PLXNA4: variants seen among roughly 807,000 people sequenced by gnomAD.
PLXNA4 encodes plexin A4, also known as plexin-A4.
In PLXNA4, 44 loss-of-function variants were observed where a neutral mutation model predicts 191.8. The observed-to-expected ratio is 0.23, with a 90% CI of 0.18 to 0.29. The LOEUF (loss-of-function observed/expected upper bound fraction) is 0.29. Ranked by LOEUF, PLXNA4 falls within the 10% of genes least tolerant of loss-of-function variation. The pLI, the probability that PLXNA4 is intolerant of heterozygous loss-of-function variation, is 1.00. For missense variants in PLXNA4, 1,800 were observed against 2,488.8 expected, an observed-to-expected ratio of 0.72 and a Z score of 5.89; for synonymous variants, 1,082 against 1,009.5, an observed-to-expected ratio of 1.07 and a Z score of -1.36.
intron 3 of PLXNA4, among the ~76,000 whole-genome samples, chr7:132,487,335 C>T (rs140352058): frequency 2.0e-5 from 3 of 152,200 alleles, no homozygotes; most frequent in East Asian, 1.9e-4. Flanking sequence ...TTGAGCTCAC[C>T]GGAGAAAAGA....
rs1438850778 is a variant in PLXNA4 at position 132,624,603 on chromosome 7, G to T, written c.-87+21325C>A. Reference sequence around the variant, plus strand: ...TTCATATGAAAAGTCACATCTGGGGGCTACTCAATCTTGGAAAGGGAAGCA... The same window carrying T: ...TTCATATGAAAAGTCACATCTGGGGTCTACTCAATCTTGGAAAGGGAAGCA... On this transcript the variant is annotated intron_variant, in intron 2 of 4. Transcript: ENST00000378539. Among the ~76,000 whole-genome samples the T allele has an allele frequency of 2.0e-5, 3 of 152,124 alleles. No homozygotes were observed. In the East Asian group the frequency reaches 5.8e-4, roughly 29 times the overall value.
At chr7:132,258,105 C>G in intron 4 of PLXNA4, among the ~76,000 whole-genome samples, 1 of 152,250 alleles carries the variant, frequency 6.6e-6, no homozygotes, top group Non-Finnish European at 1.5e-5. Flanking sequence ...TGGAAGGCCA[C>G]CCTGGTCTGC....
At chr7:132,175,915 T>C (rs1796441787) in intron 20 of PLXNA4, among the ~76,000 whole-genome samples, 1 of 150,972 alleles carries the variant, frequency 6.6e-6, no homozygotes, top group African/African-American at 2.4e-5. Context: ...TCTATTTACA[T>C]AATCTCAAAA....
chr7:132,219,274 C>A (rs1407412149), intron 9 of PLXNA4, among the ~76,000 whole-genome samples: 1 of 152,200 alleles, frequency 6.6e-6, no homozygotes, highest in Non-Finnish European at 1.5e-5. Context: ...GTATGGGTCA[C>A]CCTGTTAGGT....
At chr7:132,560,597 G>C (rs886998374) in intron 1 of PLXNA4, among the ~76,000 whole-genome samples, 1 of 152,048 alleles carries the variant, frequency 6.6e-6, no homozygotes, top group Admixed American at 6.6e-5. Context: ...CAAGAGCCTT[G>C]TATCCGCCGG....
chr7:132,231,399 T>C (rs1413019535), intron 5 of PLXNA4, among the ~76,000 whole-genome samples: 1 of 152,196 alleles, frequency 6.6e-6, no homozygotes, highest in Admixed American at 6.5e-5. Context: ...TTATTTTATT[T>C]TTTATCTTAT....
At chr7:132,238,413 G>A (rs1798773311) in intron 5 of PLXNA4, among the ~76,000 whole-genome samples, 1 of 152,118 alleles carries the variant, frequency 6.6e-6, no homozygotes, top group Non-Finnish European at 1.5e-5. Context: ...CTTGTTTAAA[G>A]CCCCACAACA....
chr7:132,167,240 A>G (rs1369822719), intron 22 of PLXNA4, among the ~76,000 whole-genome samples: 2 of 152,348 alleles, frequency 1.3e-5, no homozygotes, highest in South Asian at 4.1e-4. Flanking sequence ...TCTAATTCCT[A>G]TAAGGCGAAA....
intron 3 of PLXNA4, among the ~76,000 whole-genome samples, chr7:132,350,020 T>C (rs1803418558): frequency 6.6e-6 from 1 of 152,082 alleles, no homozygotes; most frequent in Non-Finnish European, 1.5e-5. Flanking sequence ...GCCCTCCCCT[T>C]TGTAAGCTGT....
rs1798537335 is a variant in PLXNA4, at chr7:132,507,822, T to A, written c.872A>T (p.Asn291Ile). Residue 291 changes from asparagine (N) to isoleucine (I), a missense_variant, in exon 2 of 32, where the codon AAC (asparagine) becomes ATC (isoleucine). Coordinates refer to ENST00000321063, the MANE Select transcript of PLXNA4 (RefSeq NM_020911.2). ...GCCAATGGGCACCTCTACATAGGAG[T>A]TGAAGGCTGTGTCCTCCTTGCAAAG... ...VRLCKEDTAFNSYVEVPIGCE... is the reference protein window; with the variant it reads ...VRLCKEDTAFISYVEVPIGCE... 1 of 1,613,830 alleles carries A rather than the reference T, an allele frequency of 6.2e-7. No individual in the cohort carries two copies. The highest frequency in any genetic ancestry group is 1.7e-5 in the Admixed American group (1 of 59,980).
At chr7:132,204,498 C>T (rs1797548209) in intron 10 of PLXNA4, among the ~76,000 whole-genome samples, 1 of 152,272 alleles carries the variant, frequency 6.6e-6, no homozygotes, top group South Asian at 2.1e-4. Context: ...ATTTGTTGAA[C>T]GAAGTTAGTC....
intron 3 of PLXNA4, among the ~76,000 whole-genome samples, chr7:132,311,613 C>T (rs2116584797): frequency 6.6e-6 from 1 of 152,300 alleles, no homozygotes; most frequent in Admixed American, 6.5e-5. Context: ...GAAGAGTGGG[C>T]CTCACTCAGG....
intron 3 of PLXNA4, among the ~76,000 whole-genome samples, chr7:132,381,650 A>G (rs1047426693): frequency 6.6e-6 from 1 of 152,260 alleles, no homozygotes; most frequent in Admixed American, 6.5e-5. Context: ...TTACACCCCT[A>G]GCCCGTGTTC....
rs200939541 is a variant in PLXNA4 at position 132,185,345 on chromosome 7, C to G, written c.3112G>C (p.Glu1038Gln). The G allele has an allele frequency of 1.0e-4, 167 of 1,613,922 alleles. No homozygotes were observed. Among genetic ancestry groups the G allele is most frequent in the Non-Finnish European group, 1.3e-4 (149 of 1,179,986 alleles). The stretch of plus-strand genomic sequence containing the variant: ...TCAATCCGCACGATGGTGGGGTCTT[C>G]CACATACTGAAAGACCAGGTCCTGG... ...IHQDLVFQYV[E>Q]DPTIVRIEPE... The change falls in exon 16 of 32, where the codon GAA (glutamate) becomes CAA (glutamine). Residue 1038 changes from glutamate (E) to glutamine (Q), a missense_variant. Physicochemically the swap from Glu to Gln is conservative, Grantham distance 29. This residue lies in a region of PLXNA4 where 1,397 missense variants were observed against 1,880.4 expected (regional missense o/e 0.74). Coordinates refer to ENST00000321063, the MANE Select transcript of PLXNA4 (RefSeq NM_020911.2).
At chr7:132,381,162 G>A (rs1804878138) in intron 3 of PLXNA4, among the ~76,000 whole-genome samples, 1 of 152,212 alleles carries the variant, frequency 6.6e-6, no homozygotes, top group Non-Finnish European at 1.5e-5. Flanking sequence ...TGCAAATTGA[G>A]GACTGGTTGG....
At position 132,576,272 on chromosome 7, in the gene PLXNA4, T is replaced by G; in HGVS notation, c.-87+150A>C. 1.0e-4 allele frequency: 54 copies of G among 515,156 alleles called. No homozygotes were observed. Among genetic ancestry groups the G allele is most frequent in the Non-Finnish European group, 1.2e-4 (48 of 400,320 alleles). 31.9% of individuals were successfully genotyped at this position (515,156 alleles called of 1,614,324 possible). On this transcript the variant is annotated intron_variant, in intron 1 of 31. Transcript: ENST00000321063. This position sits in a 1 kb window ranked among gnomAD's most constrained non-coding sequence, Gnocchi z 5.8. Reference sequence around the variant, plus strand: ...TGCGCGAGCGCCGTGTGTGCCGGTGTGGATCTGTGTGTGTGCCTGCGTGTG... The same window carrying G: ...TGCGCGAGCGCCGTGTGTGCCGGTGGGGATCTGTGTGTGTGCCTGCGTGTG...
chr7:132,602,309 C>T (rs886679334), intron 2 of PLXNA4, among the ~76,000 whole-genome samples: 19 of 152,080 alleles, frequency 1.2e-4, no homozygotes, highest in African/African-American at 4.6e-4. Flanking sequence ...ATTTGGAGTC[C>T]ACTCTCTCAG....
intron 30 of PLXNA4, among the ~76,000 whole-genome samples, chr7:132,133,802 A>G (rs991069666): frequency 6.6e-6 from 1 of 151,972 alleles, no homozygotes; most frequent in Admixed American, 6.6e-5. Context: ...ACCAAACCTC[A>G]ACTCCCCCAC....
intron 1 of PLXNA4, among the ~76,000 whole-genome samples, chr7:132,510,221 A>G (rs373354055): frequency 6.6e-5 from 10 of 152,328 alleles, no homozygotes; most frequent in African/African-American, 2.2e-4. Flanking sequence ...CCTCAAAAGT[A>G]GAGAATGAGA....
Sources: allele counts gnomAD v4.1 joint callset (sites outside exome capture counted in the v4.1 genomes callset), GRCh38; gene constraint gnomAD v4.1.1; regional missense constraint gnomAD v4.1.1; non-coding constraint Gnocchi (gnomAD v3.1); transcripts MANE v1.5; gene names NCBI Gene and HGNC (gene_info 2026-07-23, HGNC 2026-07-21).